Variants in NUP153 observed in about 807,000 individuals in gnomAD.
NUP153 encodes the protein nucleoporin 153, also known as nuclear pore complex protein Nup153.
In NUP153, 27 loss-of-function variants were observed where a neutral mutation model predicts 134.6. The observed-to-expected ratio is 0.20, with a 90% confidence interval of 0.15 to 0.28. The LOEUF is 0.28. NUP153 is among the 10% of genes least tolerant of loss of function. NUP153 has a pLI of 1.00. For synonymous variants in NUP153, 640 were observed against 623.5 expected (o/e 1.03, Z -0.40); for missense variants, 1,821 against 1,731.3 (o/e 1.05, Z -0.92).
At chr6:17,696,442 G>C (rs1364035636) in intron 1 of NUP153, among the ~76,000 whole-genome samples, 1 of 152,090 alleles carries the variant, frequency 6.6e-6, no homozygotes, top group African/African-American at 2.4e-5. Flanking sequence ...TTTCTGTATG[G>C]ACCTGAAAAG....
At chr6:17,678,444 TAA>T (rs1768367324) in intron 2 of NUP153, among the ~76,000 whole-genome samples, 2 of 140,920 alleles carry the variant, frequency 1.4e-5, no homozygotes, top group East Asian at 2.1e-4. Flanking sequence ...CAAATAGAAA[TAA>T]AGAGTGAATT....
chr6:17,628,773 T>C lies in NUP153; in HGVS notation c.3426A>G (p.Lys1142=), dbSNP rs78541395. 12,248 of 1,614,190 alleles carry C rather than the reference T, an allele frequency of 7.6e-3. 66 individuals carry two copies. The highest frequency in any genetic ancestry group is 9.2e-3 in the Non-Finnish European group (10,839 of 1,180,004). Residue 1142 remains lysine (K), a synonymous_variant, in exon 18 of 22, where the codon AAA becomes AAG. Coordinates refer to ENST00000262077, the MANE Select transcript of NUP153 (RefSeq NM_005124.4). The surrounding 1 kb of genome is among the most constrained non-coding windows in gnomAD (Gnocchi z 5.4). ...VFSFGNSEQT[K]DENSSKSTFS... ...ATGTGGACTTTGAAGAATTCTCATC[T>C]TTGGTTTGCTCTGAATTCCCAAAGG...
At chr6:17,686,226 C>G (rs1457846469) in intron 2 of NUP153, among the ~76,000 whole-genome samples, 1 of 151,800 alleles carries the variant, frequency 6.6e-6, no homozygotes, top group African/African-American at 2.4e-5. Flanking sequence ...GGAAGTATTC[C>G]AGAAGAAGGC....
rs1764843627 is a variant in NUP153 at position 17,624,799 on chromosome 6, T to C, written c.3936A>G (p.Ala1312=). The C allele has an allele frequency of 6.2e-7, 1 of 1,613,422 alleles. No homozygotes were observed. The highest frequency in any genetic ancestry group is 8.5e-7 in the Non-Finnish European group (1 of 1,179,590). The change falls in exon 20 of 22, where the codon GCA becomes GCG. Residue 1312 remains alanine, a synonymous_variant. Coordinates refer to ENST00000262077, the MANE Select transcript of NUP153 (RefSeq NM_005124.4). Reference sequence around the variant, plus strand: ...CACCAAATGCTGGACTGGCAGATGGTGCTGAGGGTCCAGTTCCAAATACAA... The same window carrying C: ...CACCAAATGCTGGACTGGCAGATGGCGCTGAGGGTCCAGTTCCAAATACAA... ...SSFVFGTGPS[A]PSASPAFGAN...
At chr6:17,688,900 G>A (rs913444466) in intron 1 of NUP153, among the ~76,000 whole-genome samples, 5 of 151,890 alleles carry the variant, frequency 3.3e-5, no homozygotes, top group Non-Finnish European at 7.4e-5. Context: ...ACTCAATGTC[G>A]ATTTTAGATT....
Position 17,706,118 on chromosome 6 carries a change from T to A in NUP153, c.111+159A>T, listed in dbSNP as rs928081374. The stretch of plus-strand genomic sequence containing the variant: ...TGGGCCTGTCTCAGCCCACTTCCCG[T>A]CGCCACCCCCAACGGCCTGAGCTCC... On this transcript the variant is annotated intron_variant, in intron 1 of 21. Transcript: ENST00000262077. The surrounding 1 kb of genome is among the most constrained non-coding windows in gnomAD (Gnocchi z 5.9). 12 of 630,772 alleles carry A rather than the reference T, an allele frequency of 1.9e-5. No individual in the cohort carries two copies. Among genetic ancestry groups the A allele is most frequent in the Non-Finnish European group, 3.3e-5 (12 of 362,152 alleles). 39.1% of individuals were successfully genotyped at this position (630,772 alleles called of 1,614,324 possible).
At chr6:17,620,724 A>G (rs554914102) in intron 20 of NUP153, among the ~76,000 whole-genome samples, 1 of 152,226 alleles carries the variant, frequency 6.6e-6, no homozygotes, top group East Asian at 1.9e-4. Context: ...TGTTAGTGTT[A>G]ATGTATCTTG....
intron 14 of NUP153, among the ~76,000 whole-genome samples, chr6:17,645,507 T>G (rs527643144): frequency 9.3e-5 from 14 of 150,600 alleles, no homozygotes; most frequent in African/African-American, 3.2e-4. Flanking sequence ...CTCACTGTGC[T>G]GCCTAGGATC....
At position 17,706,603 on chromosome 6, in the gene NUP153, A is replaced by G. The variant is rs1257646169; in HGVS notation, c.-216T>C. 2 of 577,652 alleles carry G rather than the reference A, an allele frequency of 3.5e-6. No homozygotes were observed. The highest frequency in any genetic ancestry group is 6.1e-6 in the Non-Finnish European group (2 of 327,730). The allele number at this position is 577,652 out of a possible 1,614,324, so 35.8% of individuals were successfully genotyped here. A position where few individuals can be genotyped will look rare whatever the true frequency, so the allele number is the denominator to read the frequency against. ...CAGCGGGGAAGGGGGTGGCGGCCGCAGAGGCCGAGGAGGCTCCGGTCCGGC... is the reference window on the plus strand; with the variant it reads ...CAGCGGGGAAGGGGGTGGCGGCCGCGGAGGCCGAGGAGGCTCCGGTCCGGC... On this transcript the variant is annotated 5_prime_UTR_variant, in exon 1 of 22. Transcript: ENST00000262077. The surrounding 1 kb of genome is among the most constrained non-coding windows in gnomAD (Gnocchi z 5.9).
chr6:17,658,308 A>G (rs1241344121), intron 11 of NUP153, among the ~76,000 whole-genome samples: 5 of 152,240 alleles, frequency 3.3e-5, no homozygotes, highest in Admixed American at 2.0e-4. Flanking sequence ...AGGCACAAAA[A>G]TAGCTTGAAC....
At position 17,628,572 on chromosome 6, in the gene NUP153, G is replaced by T; in HGVS notation, c.3544+83C>A. 1.5e-6 allele frequency: 1 copy of T among 670,914 alleles called. No individual in the cohort carries two copies. Among genetic ancestry groups the T allele is most frequent in the Non-Finnish European group, 2.1e-6 (1 of 481,712 alleles). The allele number at this position is 670,914 out of a possible 1,614,324, so 41.6% of individuals were successfully genotyped here. On this transcript the variant is annotated intron_variant, in intron 18 of 21. Transcript: ENST00000262077. The surrounding 1 kb of genome is among the most constrained non-coding windows in gnomAD (Gnocchi z 5.4). The stretch of plus-strand genomic sequence containing the variant: ...TTCAGTGTAAACCATTAATTGACTT[G>T]CTGCATCTGTCAAGGCAACTTGTAA...
chr6:17,618,470 G>A (rs1032202945), intron 20 of NUP153, among the ~76,000 whole-genome samples: 2 of 148,210 alleles, frequency 1.3e-5, no homozygotes, highest in African/African-American at 2.6e-5. Flanking sequence ...AGAGTTGGGT[G>A]GGGGGGAACC....
At chr6:17,702,380 C>T (rs1047707691) in intron 1 of NUP153, among the ~76,000 whole-genome samples, 3 of 152,124 alleles carry the variant, frequency 2.0e-5, no homozygotes, top group Non-Finnish European at 4.4e-5. Context: ...GGTGGCAAGG[C>T]ACCTGTAGTC....
At chr6:17,687,896 T>C (rs527322220) in intron 2 of NUP153, among the ~76,000 whole-genome samples, 1 of 152,128 alleles carries the variant, frequency 6.6e-6, no homozygotes, top group East Asian at 1.9e-4. Context: ...GGATGGATCA[T>C]GAGGTCAGGA....
intron 20 of NUP153, among the ~76,000 whole-genome samples, chr6:17,618,288 A>T (rs1342138271): frequency 5.3e-5 from 8 of 152,366 alleles, no homozygotes; most frequent in Admixed American, 2.6e-4. Flanking sequence ...TCCTACACTC[A>T]TAACAACTAC....
chr6:17,683,520 G>C (rs1161385744), intron 2 of NUP153, among the ~76,000 whole-genome samples: 1 of 152,166 alleles, frequency 6.6e-6, no homozygotes, highest in Non-Finnish European at 1.5e-5. Context: ...GAATCTTTTT[G>C]TCCCCAAGCA....
chr6:17,698,924 A>G (rs912210257), intron 1 of NUP153, among the ~76,000 whole-genome samples: 1 of 152,008 alleles, frequency 6.6e-6, no homozygotes, highest in Admixed American at 6.6e-5. Context: ...ACTCACTAAA[A>G]GTTACCTACA....
intron 1 of NUP153, among the ~76,000 whole-genome samples, chr6:17,690,743 C>A (rs1164365965): frequency 6.6e-6 from 1 of 152,120 alleles, no homozygotes; most frequent in Non-Finnish European, 1.5e-5. Context: ...ATATATAAAT[C>A]TACCTAGAAG....
intron 1 of NUP153, among the ~76,000 whole-genome samples, chr6:17,703,285 A>C (rs1029214088): frequency 6.6e-6 from 1 of 152,156 alleles, no homozygotes; most frequent in Non-Finnish European, 1.5e-5. Context: ...TAAACCCAGA[A>C]GTCAAAACAG....
Sources: allele counts gnomAD v4.1 joint callset (sites outside exome capture counted in the v4.1 genomes callset), GRCh38; gene constraint gnomAD v4.1.1; non-coding constraint Gnocchi (gnomAD v3.1); transcripts MANE v1.5; gene names NCBI Gene and HGNC (gene_info 2026-07-23, HGNC 2026-07-21).